ETNK1: variants seen among roughly 807,000 people sequenced by gnomAD.
The protein encoded by ETNK1 is putative protein product of Nbla10396.
A neutral mutation model predicts 45.1 loss-of-function variants in ETNK1; 8 were observed. The ratio of observed to expected loss-of-function variants is 0.18; its 90% CI spans 0.10 to 0.32. The LOEUF (loss-of-function observed/expected upper bound fraction) is 0.32. ETNK1 is among the 10% of genes least tolerant of loss of function. The pLI, the probability that ETNK1 is intolerant of heterozygous loss-of-function variation, is 1.00. For missense variants in ETNK1, 302 were observed against 430.6 expected (o/e 0.70, Z 2.64); for synonymous variants, 152 against 151.9 (o/e 1.00, Z -0.01).
intron 2 of ETNK1, among the ~76,000 whole-genome samples, chr12:22,646,744 T>G (rs1349501850): frequency 1.3e-5 from 2 of 151,856 alleles, no homozygotes; most frequent in African/African-American, 4.8e-5. Context: ...ATATTATGAT[T>G]ATGACGAAGG....
intron 6 of ETNK1, among the ~76,000 whole-genome samples, chr12:22,684,203 G>C (rs968400209): frequency 1.3e-5 from 2 of 152,058 alleles, no homozygotes; most frequent in Non-Finnish European, 2.9e-5. Context: ...AGTGCTGATG[G>C]TAAACTTTGC....
chr12:22,671,577 G>C (rs1040274111), intron 5 of ETNK1, among the ~76,000 whole-genome samples: 5 of 152,014 alleles, frequency 3.3e-5, no homozygotes, highest in African/African-American at 1.2e-4. Context: ...GGTGGCTCAC[G>C]CCTGTAATCC....
intron 2 of ETNK1, among the ~76,000 whole-genome samples, chr12:22,644,781 C>T (rs932601764): frequency 6.6e-6 from 1 of 151,922 alleles, no homozygotes; most frequent in African/African-American, 2.4e-5. Flanking sequence ...CATATAACCT[C>T]TTGAAAGGTA....
chr12:22,660,047 A>C (rs138125475), intron 3 of ETNK1, among the ~76,000 whole-genome samples: 20 of 148,826 alleles, frequency 1.3e-4, no homozygotes, highest in African/African-American at 4.7e-4. Flanking sequence ...AAAAAAAAAA[A>C]AAAAAAAACA....
At chr12:22,654,781 T>G (rs1953918335) in intron 2 of ETNK1, among the ~76,000 whole-genome samples, 2 of 151,788 alleles carry the variant, frequency 1.3e-5, no homozygotes, top group Non-Finnish European at 2.9e-5. Context: ...ATTAACAATA[T>G]ATCATCTTAT....
At chr12:22,681,736 T>A (rs1161725249) in intron 6 of ETNK1, among the ~76,000 whole-genome samples, 1 of 152,084 alleles carries the variant, frequency 6.6e-6, no homozygotes, top group Non-Finnish European at 1.5e-5. Flanking sequence ...TGGCATTATT[T>A]TACACTTCTG....
chr12:22,627,652 A>G (rs531170016), intron 1 of ETNK1, among the ~76,000 whole-genome samples: 4 of 152,256 alleles, frequency 2.6e-5, no homozygotes, highest in Non-Finnish European at 5.9e-5. Context: ...CTTGAAATAG[A>G]TAAGAATCAT....
chr12:22,676,233 C>A (rs1221737373), intron 6 of ETNK1, among the ~76,000 whole-genome samples: 5 of 152,168 alleles, frequency 3.3e-5, no homozygotes, highest in Non-Finnish European at 2.9e-5. Flanking sequence ...TTATTCAACT[C>A]CCACTTATGA....
intron 2 of ETNK1, among the ~76,000 whole-genome samples, chr12:22,648,666 A>C (rs963262912): frequency 2.0e-5 from 3 of 152,080 alleles, no homozygotes; most frequent in African/African-American, 7.2e-5. Context: ...TTATGAATTA[A>C]GCTGCTATAA....
At chr12:22,670,696 G>T (rs1335827694) in intron 4 of ETNK1, among the ~76,000 whole-genome samples, 1 of 152,104 alleles carries the variant, frequency 6.6e-6, no homozygotes, top group African/African-American at 2.4e-5. Context: ...GGAAACCTTG[G>T]TTAGGTAGTA....
At chr12:22,656,595 A>G (rs910596448) in intron 2 of ETNK1, 2 of 985,294 alleles carry the variant, frequency 2.0e-6, no homozygotes, top group Non-Finnish European at 2.4e-6. Context: ...TCTCCCAGAC[A>G]TTTGCCTCTC....
chr12:22,650,050 T>G (rs1953855082), intron 2 of ETNK1, among the ~76,000 whole-genome samples: 1 of 152,072 alleles, frequency 6.6e-6, no homozygotes, highest in Non-Finnish European at 1.5e-5. Flanking sequence ...ATTGTATTTT[T>G]GGGGGTGTTA....
chr12:22,682,954 T>A (rs929694443), intron 6 of ETNK1, among the ~76,000 whole-genome samples: 11 of 152,214 alleles, frequency 7.2e-5, no homozygotes, highest in Admixed American at 2.0e-4. Context: ...ATACCTGATA[T>A]ACTTTTTTAG....
intron 4 of ETNK1, among the ~76,000 whole-genome samples, chr12:22,666,353 A>G (rs1954053727): frequency 6.6e-6 from 1 of 152,350 alleles, no homozygotes; most frequent in Non-Finnish European, 1.5e-5. Flanking sequence ...CTCCAGAACT[A>G]TAGGAATTAT....
At chr12:22,630,830 C>T (rs1953570049) in intron 1 of ETNK1, among the ~76,000 whole-genome samples, 1 of 151,888 alleles carries the variant, frequency 6.6e-6, no homozygotes, top group African/African-American at 2.4e-5. Context: ...AGGCTGGTCT[C>T]GAATGCCTGA....
chr12:22,690,606 A>G lies in ETNK1; in HGVS notation c.*5652A>G, dbSNP rs1359120295. 1 of 152,540 alleles carries G rather than the reference A, an allele frequency of 6.6e-6. No individual in the cohort carries two copies. The highest frequency in any genetic ancestry group is 2.4e-5 in the African/African-American group (1 of 41,452). 9.4% of individuals were successfully genotyped at this position (152,540 alleles called of 1,614,324 possible). ...TAAATGAAGGAATGTATCTTTTTGA[A>G]GAGATTTATATTCTGTAAATAAAAA... On this transcript the variant is annotated 3_prime_UTR_variant, in exon 8 of 8. Coordinates refer to ENST00000266517, the MANE Select transcript of ETNK1 (RefSeq NM_018638.5).
chr12:22,662,392 CTT>C (rs79930955), intron 4 of ETNK1, among the ~76,000 whole-genome samples: 101 of 122,746 alleles, frequency 8.2e-4, no homozygotes, highest in African/African-American at 2.3e-3. Flanking sequence ...CTGGCCTTTC[CTT>C]TTTTTTTTTT....
chr12:22,625,403 G>C lies in ETNK1; in HGVS notation c.-28G>C, dbSNP rs1953475212. The stretch of plus-strand genomic sequence containing the variant: ...TCGTGGTCGCCGTCGCCGTCGTCGT[G>C]GTGGTAGTCTCCGCCGTCGCCTGGG... On this transcript the variant is annotated 5_prime_UTR_variant, in exon 1 of 8. Transcript: ENST00000266517. 2.6e-6 allele frequency: 4 copies of C among 1,566,010 alleles called. No individual in the cohort carries two copies. Among genetic ancestry groups the C allele is most frequent in the East Asian group, 4.7e-5 (2 of 42,594 alleles).
At chr12:22,654,849 A>C (rs1397134491) in intron 2 of ETNK1, among the ~76,000 whole-genome samples, 1 of 152,214 alleles carries the variant, frequency 6.6e-6, no homozygotes, top group Non-Finnish European at 1.5e-5. Flanking sequence ...TAATTTTAGA[A>C]ATTTGTTCAA....
Sources: allele counts gnomAD v4.1 joint callset (sites outside exome capture counted in the v4.1 genomes callset), GRCh38; gene constraint gnomAD v4.1.1; transcripts MANE v1.5; gene names NCBI Gene and HGNC (gene_info 2026-07-23, HGNC 2026-07-21).